NAALADL2: variants seen among roughly 807,000 people sequenced by gnomAD.
The protein encoded by NAALADL2 is N-acetylated alpha-linked acidic dipeptidase like 2, also known as inactive N-acetylated-alpha-linked acidic dipeptidase-like protein 2.
NAALADL2 carries 76 observed loss-of-function variants against 87.2 expected under a neutral mutation model. The observed-to-expected ratio is 0.87, with a 90% CI of 0.72 to 1.05. The LOEUF (loss-of-function observed/expected upper bound fraction) is 1.05. Among genes scored for constraint, NAALADL2 ranks in the 50% least tolerant of loss-of-function variants. NAALADL2 has a pLI of 0.00. For missense variants in NAALADL2, 1,089 were observed against 945.8 expected (o/e 1.15, Z -1.99); for synonymous variants, 354 against 331.0 (o/e 1.07, Z -0.75).
At chr3:175,149,768 A>C (rs556612800) in intron 2 of NAALADL2, among the ~76,000 whole-genome samples, 1 of 152,194 alleles carries the variant, frequency 6.6e-6, no homozygotes, top group Non-Finnish European at 1.5e-5. Flanking sequence ...AACAGATTCA[A>C]TTCATCATTA....
At chr3:174,518,025 CTGA>C (rs757800215) in intron 1 of NAALADL2, among the ~76,000 whole-genome samples, 6 of 152,032 alleles carry the variant, frequency 3.9e-5, no homozygotes, top group Non-Finnish European at 7.4e-5. Context: ...GGTATCCATG[CTGA>C]TAAGTAAAAA....
intron 5 of NAALADL2, among the ~76,000 whole-genome samples, chr3:175,400,322 G>A (rs1862076): frequency 0.52 from 78,488 of 151,552 alleles, 21,228 homozygotes; most frequent in East Asian, 0.59. Flanking sequence ...GGCTTCATCG[G>A]TACTGGCCTT....
chr3:174,667,082 T>C (rs959839671), intron 2 of NAALADL2, among the ~76,000 whole-genome samples: 1 of 152,204 alleles, frequency 6.6e-6, no homozygotes, highest in African/African-American at 2.4e-5. Context: ...CATTCATCCA[T>C]TGATGGACAT....
chr3:174,518,261 T>C (rs1334389806), intron 1 of NAALADL2, among the ~76,000 whole-genome samples: 3 of 152,186 alleles, frequency 2.0e-5, no homozygotes, highest in African/African-American at 7.2e-5. Flanking sequence ...TGGACCAACA[T>C]TGGCCATCAG....
intron 2 of NAALADL2, among the ~76,000 whole-genome samples, chr3:174,642,768 AT>A (rs1723369498): frequency 2.8e-5 from 1 of 35,116 alleles, no homozygotes; most frequent in South Asian, 7.4e-4. Context: ...ATATATATAT[AT>A]ATATATATAT....
intron 3 of NAALADL2, among the ~76,000 whole-genome samples, chr3:174,776,844 T>G (rs559126116): frequency 1.3e-5 from 2 of 152,162 alleles, no homozygotes; most frequent in Non-Finnish European, 2.9e-5. Context: ...CTGCATTGTT[T>G]GCACATAATA....
chr3:174,903,970 T>C (rs1732628074), intron 1 of NAALADL2, among the ~76,000 whole-genome samples: 1 of 147,894 alleles, frequency 6.8e-6, no homozygotes, highest in Admixed American at 6.6e-5. Flanking sequence ...TATCTATATC[T>C]ATATCTATAT....
chr3:175,082,692 T>C (rs1201954112), intron 1 of NAALADL2, among the ~76,000 whole-genome samples: 1 of 152,234 alleles, frequency 6.6e-6, no homozygotes, highest in East Asian at 1.9e-4. Context: ...ATTTTCTTTT[T>C]TTGGAACAAT....
At chr3:174,982,683 G>C (rs1446683752) in intron 1 of NAALADL2, among the ~76,000 whole-genome samples, 1 of 152,168 alleles carries the variant, frequency 6.6e-6, no homozygotes, top group African/African-American at 2.4e-5. Flanking sequence ...ATAAATGCTA[G>C]ATTTCATGAA....
In NAALADL2 at chr3:175,495,717, A is replaced by G. The variant is rs906059859; in HGVS notation, c.1653+23959A>G. On this transcript the variant is annotated intron_variant, in intron 9 of 13. Coordinates refer to ENST00000454872, the MANE Select transcript of NAALADL2 (RefSeq NM_207015.3). ...TACTTCCCCATGTTCTATCTCTTCT[A>G]TTGATGCCTCTTCTCTTCTCCTCTG... Among the ~76,000 whole-genome samples, 5 of 151,826 alleles carry G rather than the reference A, an allele frequency of 3.3e-5. No homozygotes were observed. The South Asian group carries it at 8.3e-4, about 25-fold the overall frequency.
chr3:175,154,893 C>T (rs746284693), intron 2 of NAALADL2, among the ~76,000 whole-genome samples: 1 of 151,976 alleles, frequency 6.6e-6, no homozygotes, highest in Non-Finnish European at 1.5e-5. Flanking sequence ...TACTCCATAC[C>T]CCTGTTATTT....
chr3:175,398,402 A>G (rs1158001032), intron 5 of NAALADL2, among the ~76,000 whole-genome samples: 1 of 133,588 alleles, frequency 7.5e-6, no homozygotes, highest in Non-Finnish European at 1.6e-5. Flanking sequence ...CCGGTCCTTT[A>G]AAATCTTCTA....
intron 1 of NAALADL2, among the ~76,000 whole-genome samples, chr3:174,501,531 T>G (rs1294801913): frequency 6.6e-6 from 1 of 152,186 alleles, no homozygotes; most frequent in Non-Finnish European, 1.5e-5. Flanking sequence ...GGTCTGGATT[T>G]TTATTTGTGG....
At chr3:175,451,242 TAAACA>T (rs1721523972) in intron 6 of NAALADL2, among the ~76,000 whole-genome samples, 1 of 151,920 alleles carries the variant, frequency 6.6e-6, no homozygotes, top group Non-Finnish European at 1.5e-5. Context: ...ACACTTAAAC[TAAACA>T]AAAGAATTAA....
At chr3:175,254,870 A>G (rs565836860) in intron 3 of NAALADL2, among the ~76,000 whole-genome samples, 16 of 152,368 alleles carry the variant, frequency 1.1e-4, no homozygotes, top group Non-Finnish European at 2.2e-4. Flanking sequence ...TTCTGACAGA[A>G]GTGTTTTTAA....
chr3:174,968,120 T>C (rs968085599), intron 1 of NAALADL2, among the ~76,000 whole-genome samples: 2 of 152,228 alleles, frequency 1.3e-5, no homozygotes, highest in African/African-American at 4.8e-5. Flanking sequence ...GTGCACTATC[T>C]AATGATTTGT....
At chr3:174,765,132 A>ACG (rs1713615000) in intron 3 of NAALADL2, among the ~76,000 whole-genome samples, 1 of 121,566 alleles carries the variant, frequency 8.2e-6, no homozygotes, top group Non-Finnish European at 1.9e-5. Flanking sequence ...ATACACACAC[A>ACG]CACACACACA....
chr3:175,236,625 C>T (rs1188777725), intron 3 of NAALADL2, among the ~76,000 whole-genome samples: 1 of 151,310 alleles, frequency 6.6e-6, no homozygotes, highest in Admixed American at 6.6e-5. Flanking sequence ...ATTTCTGATT[C>T]ATACTCACTA....
intron 3 of NAALADL2, among the ~76,000 whole-genome samples, chr3:174,754,466 CTTTT>C (rs11285494): frequency 1.6e-5 from 2 of 125,508 alleles, no homozygotes; most frequent in African/African-American, 2.9e-5. Context: ...ACAGAGCTAT[CTTTT>C]TTTTTTTTTT....
Sources: gnomAD v4.1 joint callset for allele counts (sites outside exome capture counted in the v4.1 genomes callset) on GRCh38, gnomAD v4.1.1 for gene constraint, MANE v1.5 for transcripts, NCBI Gene and HGNC (gene_info 2026-07-23, HGNC 2026-07-21) for gene names.